Variants in PCBP3 observed in about 807,000 individuals in gnomAD.
The protein encoded by PCBP3 is poly(rC) binding protein 3.
A neutral mutation model predicts 52.7 loss-of-function variants in PCBP3; 25 were observed. That is an observed-to-expected ratio of 0.47 (90% confidence interval 0.35 to 0.66). The LOEUF (loss-of-function observed/expected upper bound fraction) is 0.66. Among genes scored for constraint, PCBP3 ranks in the 30% least tolerant of loss-of-function variants. The probability of loss-of-function intolerance (pLI) is 0.01; values close to 1 mark genes in which losing one functional copy is unlikely to be tolerated. For missense variants in PCBP3, 391 were observed against 490.3 expected (o/e 0.80, Z 1.91); for synonymous variants, 162 against 183.0 (o/e 0.89, Z 0.93).
intron 10 of PCBP3, among the ~76,000 whole-genome samples, chr21:45,909,770 CACCCACTGCCCAGATA>C (rs2096298279): frequency 9.1e-6 from 1 of 110,062 alleles, no homozygotes; most frequent in African/African-American, 3.7e-5. Flanking sequence ...GGACCCCCCC[CACCCACTGCCCAGATA>C]CGGACCCCCC....
At chr21:45,873,769 T>C (rs1490690266) in intron 5 of PCBP3, among the ~76,000 whole-genome samples, 1 of 152,188 alleles carries the variant, frequency 6.6e-6, no homozygotes, top group Non-Finnish European at 1.5e-5. Flanking sequence ...ACATGTCTGG[T>C]TTTTGTTGTT....
intron 5 of PCBP3, chr21:45,872,306 T>G (rs2095060734): frequency 6.6e-6 from 1 of 152,172 alleles, no homozygotes; most frequent in Non-Finnish European, 1.5e-5. Context: ...CAATGCCCCA[T>G]TTTATCGTGT....
At chr21:45,886,797 C>G (rs923927662) in intron 5 of PCBP3, among the ~76,000 whole-genome samples, 2 of 152,176 alleles carry the variant, frequency 1.3e-5, no homozygotes, top group African/African-American at 4.8e-5. Flanking sequence ...CACCAGGGGG[C>G]AAGGACTCAC....
intron 15 of PCBP3, among the ~76,000 whole-genome samples, chr21:45,933,046 C>T (rs780257811): frequency 1.4e-5 from 2 of 145,624 alleles, no homozygotes; most frequent in Non-Finnish European, 3.0e-5. Flanking sequence ...TCAGCCATGC[C>T]GTTCTGAGAT....
chr21:45,752,902 G>C (rs1033968528), intron 3 of PCBP3: 1 of 143,328 alleles, frequency 7.0e-6, no homozygotes, highest in African/African-American at 2.6e-5. Context: ...GGAGGCTGAA[G>C]ATGAGAGGGT....
intron 1 of PCBP3, among the ~76,000 whole-genome samples, chr21:45,660,164 T>C (rs2080293087): frequency 6.6e-6 from 1 of 151,990 alleles, no homozygotes; most frequent in South Asian, 2.1e-4. Context: ...TATATGTATA[T>C]ATATGTATAT....
chr21:45,755,304 A>T (rs560313333), intron 3 of PCBP3, among the ~76,000 whole-genome samples, 113 bp from the exon 4 acceptor site: 75 of 152,350 alleles, frequency 4.9e-4, no homozygotes, highest in Non-Finnish European at 9.0e-4. Context: ...TTGTACATCC[A>T]TTCACCTATT....
intron 2 of PCBP3, among the ~76,000 whole-genome samples, chr21:45,721,184 A>G (rs2084608498): frequency 6.6e-6 from 1 of 152,186 alleles, no homozygotes; most frequent in Non-Finnish European, 1.5e-5. Context: ...AGGCCAAGGC[A>G]GTAGGATCAC....
At chr21:45,811,122 G>A (rs1411323848) in intron 4 of PCBP3, among the ~76,000 whole-genome samples, 9 of 151,290 alleles carry the variant, frequency 5.9e-5, no homozygotes, top group Middle Eastern at 3.4e-3. Flanking sequence ...CTGTTTGTTC[G>A]CTGTGCTTTC....
intron 4 of PCBP3, among the ~76,000 whole-genome samples, chr21:45,810,409 T>A (rs912647037): frequency 1.3e-5 from 2 of 151,454 alleles, no homozygotes; most frequent in Non-Finnish European, 2.9e-5. Context: ...GGGAGTACAG[T>A]ACACCATCAT....
chr21:45,738,414 C>T (rs1334799424), intron 3 of PCBP3, among the ~76,000 whole-genome samples: 1 of 151,972 alleles, frequency 6.6e-6, no homozygotes, highest in Non-Finnish European at 1.5e-5. Context: ...GCCACCACGC[C>T]CAGCTAATTT....
chr21:45,837,508 A>G lies in PCBP3; in HGVS notation c.-125-12453A>G, dbSNP rs549599244. ...AGGGCATGGCTACGTGCCTGTGGAA[A>G]TTCTCCTGCGGGCGGTTTCATGTCG... is the stretch of plus-strand genomic sequence containing the variant. On this transcript the variant is annotated intron_variant, in intron 4 of 17. Transcript: ENST00000681687. The surrounding 1 kb of genome is among the most constrained non-coding windows in gnomAD (Gnocchi z 4.1). Among the ~76,000 whole-genome samples the G allele has an allele frequency of 2.0e-5, 3 of 152,250 alleles. No individual in the cohort carries two copies. In the East Asian group the frequency reaches 5.8e-4, roughly 29 times the overall value.
intron 4 of PCBP3, among the ~76,000 whole-genome samples, chr21:45,838,824 A>C (rs1001112681): frequency 2.0e-5 from 3 of 151,926 alleles, no homozygotes; most frequent in Non-Finnish European, 4.4e-5. Context: ...CAGTGCCTAC[A>C]GTCCTTCTCT....
intron 16 of PCBP3, 146 bp from the exon 17 acceptor site, chr21:45,939,884 G>A (rs2077271595): frequency 4.4e-6 from 3 of 677,336 alleles, no homozygotes; most frequent in Admixed American, 2.6e-5. Context: ...GTGTGGGCGG[G>A]GCCTCTCCGG....
chr21:45,673,528 C>T (rs1289673497), intron 2 of PCBP3: 1 of 152,160 alleles, frequency 6.6e-6, no homozygotes, highest in Non-Finnish European at 1.5e-5. Context: ...ATCCCTCTCT[C>T]TCTGTAGTAT....
chr21:45,756,084 C>T (rs2088010545), intron 4 of PCBP3, among the ~76,000 whole-genome samples: 1 of 152,100 alleles, frequency 6.6e-6, no homozygotes, highest in East Asian at 1.9e-4. Flanking sequence ...GATCTATTCC[C>T]CATCCCCCAT....
intron 2 of PCBP3, among the ~76,000 whole-genome samples, chr21:45,731,065 G>A (rs898765002): frequency 6.6e-5 from 10 of 152,146 alleles, no homozygotes; most frequent in African/African-American, 1.7e-4. Context: ...TCATTTTGCT[G>A]TTGGATTTCT....
intron 1 of PCBP3, among the ~76,000 whole-genome samples, chr21:45,646,897 G>A (rs1317895784): frequency 1.3e-5 from 2 of 152,224 alleles, no homozygotes; most frequent in African/African-American, 2.4e-5. Flanking sequence ...CTGTTTATGT[G>A]TTGGGCTACT....
chr21:45,808,144 CTT>C (rs1239837635), intron 4 of PCBP3, among the ~76,000 whole-genome samples: 1 of 152,130 alleles, frequency 6.6e-6, no homozygotes, highest in African/African-American at 2.4e-5. Context: ...TGGGCAAAGA[CTT>C]ATGACTAAAA....
Sources: allele counts gnomAD v4.1 joint callset (sites outside exome capture counted in the v4.1 genomes callset), GRCh38; gene constraint gnomAD v4.1.1; non-coding constraint Gnocchi (gnomAD v3.1); transcripts MANE v1.5; gene names NCBI Gene and HGNC (gene_info 2026-07-23, HGNC 2026-07-21).